The following AKAP19 variants were observed in gnomAD, a reference collection of about 807,000 sequenced individuals.
AKAP19 encodes small A-kinase anchoring protein.
the AKAP19 span, among the ~76,000 whole-genome samples, chr2:189,969,267 C>T: frequency 6.6e-6 from 1 of 152,198 alleles, no homozygotes; most frequent in East Asian, 1.9e-4. Context: ...TGCCTTGAGC[C>T]TTTCATCATG....
chr2:190,109,601 C>G, the AKAP19 span, among the ~76,000 whole-genome samples: 2,434 of 152,230 alleles, frequency 0.016, 69 homozygotes, highest in African/African-American at 0.055. Flanking sequence ...AGAGGACCTT[C>G]CCTCCACTCC....
chr2:190,163,704 A>T, the AKAP19 span, among the ~76,000 whole-genome samples: 131 of 152,356 alleles, frequency 8.6e-4, no homozygotes, highest in Admixed American at 1.8e-3. Context: ...TGTTATGGAT[A>T]CATACATAAA....
At chr2:190,200,269 T>C in the AKAP19 span, 1 of 779,662 alleles carries the variant, frequency 1.3e-6, no homozygotes, top group Non-Finnish European at 2.1e-6. Context: ...TCTACGATAA[T>C]GTCACTATTA....
At chr2:189,913,120 C>T in the AKAP19 span, among the ~76,000 whole-genome samples, 2 of 152,054 alleles carry the variant, frequency 1.3e-5, no homozygotes, top group Non-Finnish European at 2.9e-5. Context: ...GATATAGTCT[C>T]AATGATGCTT....
At chr2:190,157,654 T>G in the AKAP19 span, among the ~76,000 whole-genome samples, 1 of 152,160 alleles carries the variant, frequency 6.6e-6, no homozygotes. Context: ...CACAGATAAT[T>G]GAGGGAAGGG....
chr2:190,027,254 T>G, the AKAP19 span, among the ~76,000 whole-genome samples: 1 of 152,180 alleles, frequency 6.6e-6, no homozygotes, highest in African/African-American at 2.4e-5. Context: ...GCATGCACAA[T>G]GCTCTACTCT....
chr2:190,175,006 G>GATTA, the AKAP19 span, among the ~76,000 whole-genome samples: 1 of 151,802 alleles, frequency 6.6e-6, no homozygotes, highest in Non-Finnish European at 1.5e-5. Flanking sequence ...TAGATTACAT[G>GATTA]GAGTACATAG....
chr2:190,182,450 TCA>T, the AKAP19 span, among the ~76,000 whole-genome samples: 1 of 152,198 alleles, frequency 6.6e-6, no homozygotes, highest in African/African-American at 2.4e-5. Context: ...TCCCTGAGCC[TCA>T]GTTTCTCATC....
the AKAP19 span, among the ~76,000 whole-genome samples, chr2:189,915,226 A>G: frequency 6.6e-6 from 1 of 152,112 alleles, no homozygotes; most frequent in African/African-American, 2.4e-5. Flanking sequence ...ACTTGCTCAG[A>G]CAACTCCAGC....
the AKAP19 span, among the ~76,000 whole-genome samples, chr2:189,950,754 C>T: frequency 6.6e-6 from 1 of 152,214 alleles, no homozygotes; most frequent in South Asian, 2.1e-4. Flanking sequence ...CATTACTTTT[C>T]TTCCCACTAA....
chr2:189,974,692 G>C, the AKAP19 span, among the ~76,000 whole-genome samples: 1 of 152,118 alleles, frequency 6.6e-6, no homozygotes, highest in Non-Finnish European at 1.5e-5. Flanking sequence ...TGCATATTTA[G>C]GATAGTTCTT....
the AKAP19 span, among the ~76,000 whole-genome samples, chr2:190,002,499 A>G: frequency 6.6e-6 from 1 of 152,294 alleles, no homozygotes; most frequent in South Asian, 2.1e-4. Flanking sequence ...ATATGTAACA[A>G]ACCTGCACAT....
chr2:190,153,654 A>G, the AKAP19 span, among the ~76,000 whole-genome samples: 1 of 152,206 alleles, frequency 6.6e-6, no homozygotes. Flanking sequence ...AAATATAAAA[A>G]TAATTTTCCA....
the AKAP19 span, among the ~76,000 whole-genome samples, chr2:189,956,519 A>G: frequency 2.0e-5 from 3 of 152,108 alleles, no homozygotes; most frequent in Non-Finnish European, 4.4e-5. Context: ...ATATACAAAC[A>G]TGAAAAAACT....
the AKAP19 span, among the ~76,000 whole-genome samples, chr2:189,893,360 A>G: frequency 6.6e-6 from 1 of 152,212 alleles, no homozygotes; most frequent in African/African-American, 2.4e-5. Flanking sequence ...AGGCACCTGA[A>G]GGAATCTTCT....
At chr2:190,024,624 C>T in the AKAP19 span, among the ~76,000 whole-genome samples, 1 of 151,988 alleles carries the variant, frequency 6.6e-6, no homozygotes. Context: ...TTGTTCAGGA[C>T]CTAGGACACA....
the AKAP19 span, among the ~76,000 whole-genome samples, chr2:190,172,662 G>A: frequency 1.6e-4 from 25 of 152,294 alleles, no homozygotes; most frequent in African/African-American, 5.8e-4. Flanking sequence ...TGAGATGTTG[G>A]AAAGCAACAC....
chr2:190,132,115 T>A, the AKAP19 span, among the ~76,000 whole-genome samples: 8 of 152,088 alleles, frequency 5.3e-5, no homozygotes, highest in African/African-American at 1.9e-4. Flanking sequence ...GTGAAAGAAC[T>A]GTACACCGAA....
At chr2:190,103,770 A>G in the AKAP19 span, among the ~76,000 whole-genome samples, 1 of 152,244 alleles carries the variant, frequency 6.6e-6, no homozygotes, top group Non-Finnish European at 1.5e-5. Flanking sequence ...GCCGAAAGCA[A>G]TCTACAGATT....
Sources: gnomAD v4.1 joint callset for allele counts (sites outside exome capture counted in the v4.1 genomes callset) on GRCh38, gnomAD v4.1.1 for gene constraint, MANE v1.5 for transcripts, NCBI Gene and HGNC (gene_info 2026-07-23, HGNC 2026-07-21) for gene names.